LYVE1: variants seen among roughly 807,000 people sequenced by gnomAD.
LYVE1 encodes lymphatic vessel endothelial hyaluronic acid receptor 1.
LYVE1 carries 29 observed loss-of-function variants against 31.5 expected under a neutral mutation model. The observed-to-expected ratio is 0.92, with a 90% confidence interval of 0.69 to 1.26. The LOEUF is 1.26. Among genes scored for constraint, LYVE1 ranks in the 50% most tolerant of loss-of-function variants. The pLI, the probability that LYVE1 is intolerant of heterozygous loss-of-function variation, is 0.00. For synonymous variants in LYVE1, 134 were observed against 139.4 expected, an observed-to-expected ratio of 0.96 and a Z score of 0.27; for missense variants, 376 against 380.2, an observed-to-expected ratio of 0.99 and a Z score of 0.09.
chr11:10,559,020 G>T lies in LYVE1; in HGVS notation c.*91C>A. The T allele has an allele frequency of 8.1e-7, 1 of 1,240,396 alleles. No homozygotes were observed. The highest frequency in any genetic ancestry group is 1.1e-6 in the Non-Finnish European group (1 of 880,130). 76.8% of individuals were successfully genotyped at this position (1,240,396 alleles called of 1,614,324 possible). On this transcript the variant is annotated 3_prime_UTR_variant, in exon 6 of 6. Transcript: ENST00000256178. The stretch of plus-strand genomic sequence containing the variant: ...AACCAAGGGTGGACTTTCTTCTTTG[G>T]TTCTTTGGCCCTTTTGATTTCCCCA...
At chr11:10,563,126 TG>T (rs1381632948) in intron 3 of LYVE1, among the ~76,000 whole-genome samples, 16 of 151,958 alleles carry the variant, frequency 1.1e-4, no homozygotes, top group Non-Finnish European at 2.2e-4. Flanking sequence ...GCTAATTTTT[TG>T]TATTTTTAGT....
At position 10,568,493 on chromosome 11, in the gene LYVE1, T is replaced by G. The variant is rs1463361432; in HGVS notation, c.40A>C (p.Ile14Leu). ...TGGACCAGGAGCCTCGTGGTCCAGA[T>G]GGAAGTGAGAAGCAACACCAGGCTG... The part of the protein sequence containing the change: ...CFSLVLLLTS[I>L]WTTRLLVQGS... Residue 14 changes from isoleucine (I) to leucine (L), a missense_variant, in exon 1 of 6, where the codon ATC becomes CTC. By Grantham distance (5) the Ile-to-Leu change is conservative. Coordinates refer to ENST00000256178, the MANE Select transcript of LYVE1 (RefSeq NM_006691.4). 3.1e-6 allele frequency: 5 copies of G among 1,613,946 alleles called. No individual in the cohort carries two copies. Among genetic ancestry groups the G allele is most frequent in the Non-Finnish European group, 4.2e-6 (5 of 1,179,978 alleles).
intron 5 of LYVE1, 106 bp downstream of exon 5, chr11:10,559,710 C>T: frequency 1.1e-6 from 1 of 883,908 alleles, no homozygotes; most frequent in Non-Finnish European, 1.8e-6. Context: ...TATCAGAGGA[C>T]TGCTATCTCC....
At chr11:10,568,029 G>C (rs1430736274) in intron 1 of LYVE1, among the ~76,000 whole-genome samples, 2 of 152,142 alleles carry the variant, frequency 1.3e-5, no homozygotes, top group Non-Finnish European at 2.9e-5. Flanking sequence ...TCTGGATGCA[G>C]TGGCTCATGC....
At chr11:10,564,693 GC>G (rs1453771365) in intron 1 of LYVE1, among the ~76,000 whole-genome samples, 1 of 152,208 alleles carries the variant, frequency 6.6e-6, no homozygotes, top group Non-Finnish European at 1.5e-5. Flanking sequence ...TGCAGTTACT[GC>G]AAACCTTTCT....
rs1177485317 is a variant in LYVE1, at chr11:10,564,146, A to G, written c.257+57T>C. 3.7e-6 allele frequency: 6 copies of G among 1,614,092 alleles called. No individual in the cohort carries two copies. In the Admixed American group the frequency reaches 1.0e-4, roughly 27 times the overall value. On this transcript the variant is annotated intron_variant, in intron 2 of 5. Coordinates refer to ENST00000256178, the MANE Select transcript of LYVE1 (RefSeq NM_006691.4). ...AAGGCTTCATCTCTATTGCTGAACA[A>G]GAACACAGAGCTAAAAAAGAACTCC...
intron 3 of LYVE1, among the ~76,000 whole-genome samples, 165 bp from the exon 4 acceptor site, chr11:10,560,965 A>C (rs2134003823): frequency 6.6e-6 from 1 of 152,318 alleles, no homozygotes; most frequent in East Asian, 1.9e-4. Context: ...TTCAGTGGCT[A>C]TCTTTGTTGT....
intron 3 of LYVE1, among the ~76,000 whole-genome samples, chr11:10,562,487 G>A (rs561581211): frequency 6.6e-6 from 1 of 152,290 alleles, no homozygotes; most frequent in Non-Finnish European, 1.5e-5. Context: ...GACAGTTTTT[G>A]CTAATATTGG....
rs779063856 is a variant in LYVE1, at chr11:10,564,270, G to A, written c.190C>T (p.Leu64=). 11 of 1,614,196 alleles carry A rather than the reference G, an allele frequency of 6.8e-6. No individual in the cohort carries two copies. Among genetic ancestry groups the A allele is most frequent in the African/African-American group, 1.3e-5 (1 of 75,048 alleles). The change falls in exon 2 of 6, where the codon CTG becomes TTG. Residue 64 remains leucine (L), a synonymous_variant. Transcript: ENST00000256178. Reference sequence around the variant, plus strand: ...TCCTTGCCGGCCAAACTTAGTCCCAGCAGCCTACAGGCCTCCTTAGCTTCT... The same window carrying A: ...TCCTTGCCGGCCAAACTTAGTCCCAACAGCCTACAGGCCTCCTTAGCTTCT... ...FTEAKEACRL[L]GLSLAGKDQV...
At chr11:10,561,558 T>C (rs898188718) in intron 3 of LYVE1, among the ~76,000 whole-genome samples, 2 of 152,180 alleles carry the variant, frequency 1.3e-5, no homozygotes, top group Admixed American at 6.5e-5. Flanking sequence ...TTCCAATCTG[T>C]TGCATGTGCT....
At chr11:10,561,550 C>G (rs939807550) in intron 3 of LYVE1, among the ~76,000 whole-genome samples, 1 of 152,084 alleles carries the variant, frequency 6.6e-6, no homozygotes, top group Non-Finnish European at 1.5e-5. Context: ...GGTTTGCTTT[C>G]CAATCTGTTG....
chr11:10,561,969 TAAAA>T (rs1850435281), intron 3 of LYVE1, among the ~76,000 whole-genome samples: 1 of 151,590 alleles, frequency 6.6e-6, no homozygotes, highest in Non-Finnish European at 1.5e-5. Context: ...TAAAGTATAA[TAAAA>T]ATAAAATAAT....
intron 1 of LYVE1, 141 bp downstream of exon 1, chr11:10,568,307 A>G (rs1850582379): frequency 6.8e-6 from 4 of 584,304 alleles, no homozygotes; most frequent in Non-Finnish European, 5.6e-6. Context: ...ATGGTGGTAC[A>G]TTTTTGGCAG....
At chr11:10,566,594 T>G (rs1393512287) in intron 1 of LYVE1, among the ~76,000 whole-genome samples, 1 of 152,226 alleles carries the variant, frequency 6.6e-6, no homozygotes, top group Non-Finnish European at 1.5e-5. Context: ...TCTTTGGGAA[T>G]GGATTGCAGA....
rs1850332616 is a variant in LYVE1 at position 10,557,085 on chromosome 11, C to T, written c.*2026G>A. Reference sequence around the variant, plus strand: ...AGGACTGACAAACCAGTTTCAAACTCATAGACCTACTGGGGCAGGCAGGTG... The same window carrying T: ...AGGACTGACAAACCAGTTTCAAACTTATAGACCTACTGGGGCAGGCAGGTG... On this transcript the variant is annotated 3_prime_UTR_variant, in exon 6 of 6. Coordinates refer to ENST00000256178, the MANE Select transcript of LYVE1 (RefSeq NM_006691.4). The T allele has an allele frequency of 2.6e-5, 4 of 152,040 alleles. No homozygotes were observed. In the South Asian group the frequency reaches 8.3e-4, roughly 32 times the overall value. The allele number at this position is 152,040 out of a possible 1,614,324, so 9.4% of individuals were successfully genotyped here.
At chr11:10,564,743 A>G (rs1850502696) in intron 1 of LYVE1, among the ~76,000 whole-genome samples, 1 of 152,192 alleles carries the variant, frequency 6.6e-6, no homozygotes, top group Non-Finnish European at 1.5e-5. Context: ...TTTGAGAAAG[A>G]TAGAATTCAG....
At position 10,568,544 on chromosome 11, in the gene LYVE1, C is replaced by T; in HGVS notation, c.-12G>A. 2 of 1,611,716 alleles carry T rather than the reference C, an allele frequency of 1.2e-6. No individual in the cohort carries two copies. Among genetic ancestry groups the T allele is most frequent in the Non-Finnish European group, 1.7e-6 (2 of 1,178,808 alleles). ...AAGCACCTGGCCATCGTGCCTACCCCTTCAGAGCCAGGGAAACACCTCAGA... is the reference window on the plus strand; with the variant it reads ...AAGCACCTGGCCATCGTGCCTACCCTTTCAGAGCCAGGGAAACACCTCAGA... On this transcript the variant is annotated 5_prime_UTR_variant, in exon 1 of 6. Transcript: ENST00000256178.
At position 10,559,793 on chromosome 11, in the gene LYVE1, T is replaced by TAGC. The variant is rs1850380942; in HGVS notation, c.782+20_782+22dup. ...AGAAACATGACAAAGATTACAAGAC[T>TAGC]AGCAGTGCACCAACAACCCTACCTT... On this transcript the variant is annotated intron_variant, in intron 5 of 5. Coordinates refer to ENST00000256178, the MANE Select transcript of LYVE1 (RefSeq NM_006691.4). The TAGC allele has an allele frequency of 1.9e-6, 3 of 1,605,232 alleles. 1 individual carries two copies. In the South Asian group the frequency reaches 3.3e-5, roughly 18 times the overall value.
chr11:10,563,824 A>T, intron 3 of LYVE1, 116 bp downstream of exon 3: 1 of 1,311,076 alleles, frequency 7.6e-7, no homozygotes, highest in Non-Finnish European at 1.1e-6. Context: ...CGGGAGAATT[A>T]GATGGCCGTG....
Sources: allele counts gnomAD v4.1 joint callset (sites outside exome capture counted in the v4.1 genomes callset), GRCh38; gene constraint gnomAD v4.1.1; transcripts MANE v1.5; gene names NCBI Gene and HGNC (gene_info 2026-07-23, HGNC 2026-07-21).